AOAH: variants seen among roughly 807,000 people sequenced by gnomAD.
AOAH encodes acyloxyacyl hydrolase (neutrophil).
AOAH carries 64 observed loss-of-function variants against 92.2 expected under a neutral mutation model. The observed-to-expected ratio is 0.69, with a 90% CI of 0.57 to 0.86. AOAH has a LOEUF of 0.86. AOAH is among the 40% of genes least tolerant of loss of function. The pLI is 0.00. For missense variants in AOAH, 656 were observed against 694.6 expected (o/e 0.94, Z 0.62); for synonymous variants, 263 against 254.5 (o/e 1.03, Z -0.32).
intron 12 of AOAH, among the ~76,000 whole-genome samples, chr7:36,589,223 G>A (rs1173034211): frequency 6.6e-6 from 1 of 152,006 alleles, no homozygotes; most frequent in Non-Finnish European, 1.5e-5. Flanking sequence ...TTTTTGTTAA[G>A]GACTTAGATG....
At chr7:36,557,680 G>A (rs536427593) in intron 13 of AOAH, among the ~76,000 whole-genome samples, 133 of 150,924 alleles carry the variant, frequency 8.8e-4, no homozygotes, top group East Asian at 6.4e-3. Flanking sequence ...GGCTTTGTTC[G>A]TTTCTTTTTA....
At chr7:36,630,021 A>G (rs570156857) in intron 6 of AOAH, among the ~76,000 whole-genome samples, 4 of 152,342 alleles carry the variant, frequency 2.6e-5, no homozygotes, top group African/African-American at 9.6e-5. Flanking sequence ...ACAGGCACCC[A>G]GGGAAGATGG....
chr7:36,541,532 G>C (rs1479910761), intron 15 of AOAH, among the ~76,000 whole-genome samples: 1 of 141,478 alleles, frequency 7.1e-6, no homozygotes, highest in Non-Finnish European at 1.6e-5. Flanking sequence ...AATACTACAA[G>C]ACATCATTTG....
At chr7:36,658,470 G>A (rs759729734) in intron 4 of AOAH, among the ~76,000 whole-genome samples, 51 of 152,040 alleles carry the variant, frequency 3.4e-4, no homozygotes, top group Non-Finnish European at 6.0e-4. Context: ...CAGAGTGTGC[G>A]GAGGGAATTG....
chr7:36,556,212 T>C (rs950857593), intron 13 of AOAH, among the ~76,000 whole-genome samples: 3 of 152,202 alleles, frequency 2.0e-5, no homozygotes, highest in African/African-American at 7.2e-5. Context: ...TCAAAGAACA[T>C]CTTTATTTCT....
intron 1 of AOAH, among the ~76,000 whole-genome samples, chr7:36,701,641 T>C (rs1032824518): frequency 6.6e-5 from 10 of 151,886 alleles, no homozygotes; most frequent in African/African-American, 2.4e-4. Flanking sequence ...ACTATTTTTA[T>C]GATATATGTT....
chr7:36,630,248 T>G (rs556280141), intron 6 of AOAH, among the ~76,000 whole-genome samples: 1 of 152,314 alleles, frequency 6.6e-6, no homozygotes, highest in African/African-American at 2.4e-5. Context: ...CAGTTTGTGG[T>G]GTTTTGTAAC....
intron 4 of AOAH, among the ~76,000 whole-genome samples, chr7:36,650,599 G>C (rs1794516484): frequency 6.6e-6 from 1 of 152,214 alleles, no homozygotes; most frequent in East Asian, 1.9e-4. Context: ...AGGAATACCA[G>C]AGCAGGCGCC....
intron 13 of AOAH, among the ~76,000 whole-genome samples, chr7:36,573,588 T>C (rs1283887913): frequency 6.6e-6 from 1 of 152,068 alleles, no homozygotes; most frequent in African/African-American, 2.4e-5. Context: ...CGTGGTGGCA[T>C]GTGCCTGTAA....
At chr7:36,571,025 C>T (rs928717873) in intron 13 of AOAH, among the ~76,000 whole-genome samples, 15 of 152,110 alleles carry the variant, frequency 9.9e-5, no homozygotes, top group Admixed American at 3.9e-4. Context: ...ATAACAGAGG[C>T]GTGAGCAAAG....
At position 36,525,657 on chromosome 7, in the gene AOAH, A is replaced by G. The variant is rs990391936; in HGVS notation, c.1523-3542T>C. ...AATTCAAAACTTTTTGAGTGCCAAC[A>G]TGATGCTGAAAGGAAATGCTTACTG... is the stretch of plus-strand genomic sequence containing the variant. On this transcript the variant is annotated intron_variant, in intron 19 of 20. Transcript: ENST00000617537. 5.9e-5 allele frequency among the ~76,000 whole-genome samples: 9 copies of G among 152,366 alleles called. No individual in the cohort carries two copies. In the Middle Eastern group the frequency reaches 0.01, roughly 173 times the overall value.
At chr7:36,665,245 A>G (rs1480985112) in intron 3 of AOAH, among the ~76,000 whole-genome samples, 1 of 152,102 alleles carries the variant, frequency 6.6e-6, no homozygotes, top group African/African-American at 2.4e-5. Flanking sequence ...CCTCATATAG[A>G]TCTTGCACAT....
rs550551844 is a variant in AOAH, at chr7:36,637,761, G to A, written c.450+90C>T. ...GGCATGTTGCAGGCTTATATCCGGAGTAGTCCTTGCCTTTGGGATGTGAAA... is the reference window on the plus strand; with the variant it reads ...GGCATGTTGCAGGCTTATATCCGGAATAGTCCTTGCCTTTGGGATGTGAAA... On this transcript the variant is annotated intron_variant, in intron 5 of 20. Coordinates refer to ENST00000617537, the MANE Select transcript of AOAH (RefSeq NM_001637.4). 6.0e-6 allele frequency: 7 copies of A among 1,173,788 alleles called. 1 individual carries two copies. In the South Asian group the frequency reaches 8.8e-5, roughly 15 times the overall value. 72.7% of individuals were successfully genotyped at this position (1,173,788 alleles called of 1,614,324 possible). A position where few individuals can be genotyped will look rare whatever the true frequency, so the allele number is the denominator to read the frequency against.
chr7:36,516,600 T>C lies in AOAH; in HGVS notation c.1600-3220A>G, dbSNP rs532697667. On this transcript the variant is annotated intron_variant, in intron 20 of 20. Transcript: ENST00000617537. The surrounding 1 kb of genome is among the most constrained non-coding windows in gnomAD (Gnocchi z 5.0). ...GTGCTCCAGGGAGGGCCGGATCATC[T>C]CTCACACAAAGTGATCAGGACCTTT... 1.6e-4 allele frequency among the ~76,000 whole-genome samples: 24 copies of C among 152,200 alleles called. No individual in the cohort carries two copies. Among genetic ancestry groups the C allele is most frequent in the Non-Finnish European group, 3.2e-4 (22 of 68,042 alleles).
intron 4 of AOAH, among the ~76,000 whole-genome samples, chr7:36,651,850 A>T (rs1272944447): frequency 6.6e-6 from 1 of 152,228 alleles, no homozygotes; most frequent in South Asian, 2.1e-4. Flanking sequence ...CTGGGTTAAA[A>T]TTAGAGATAT....
intron 13 of AOAH, among the ~76,000 whole-genome samples, chr7:36,569,395 G>A (rs1231126514): frequency 1.3e-5 from 2 of 152,010 alleles, no homozygotes; most frequent in African/African-American, 4.8e-5. Context: ...ACCTGGGATT[G>A]GTTTCTGTTC....
At chr7:36,714,874 C>T (rs1402339812) in intron 1 of AOAH, among the ~76,000 whole-genome samples, 1 of 152,138 alleles carries the variant, frequency 6.6e-6, no homozygotes, top group Non-Finnish European at 1.5e-5. Context: ...CAATATCATA[C>T]TGAATGGGCA....
intron 5 of AOAH, 123 bp from the exon 6 acceptor site, chr7:36,632,229 C>A (rs1395603443): frequency 2.6e-6 from 2 of 769,760 alleles, no homozygotes; most frequent in Non-Finnish European, 4.2e-6. Flanking sequence ...CAGCCCATTT[C>A]ACCTCTCTAA....
intron 2 of AOAH, among the ~76,000 whole-genome samples, chr7:36,681,833 T>G (rs755083154): frequency 6.6e-6 from 1 of 152,024 alleles, no homozygotes; most frequent in African/African-American, 2.4e-5. Flanking sequence ...TAAGAGTACC[T>G]GAATAGCAAG....
Sources: allele counts gnomAD v4.1 joint callset (sites outside exome capture counted in the v4.1 genomes callset), GRCh38; gene constraint gnomAD v4.1.1; non-coding constraint Gnocchi (gnomAD v3.1); transcripts MANE v1.5; gene names NCBI Gene and HGNC (gene_info 2026-07-23, HGNC 2026-07-21).